The following ACSM4 variants were observed in gnomAD, a reference collection of about 807,000 sequenced individuals.
ACSM4 encodes acyl-coenzyme A synthetase ACSM4, mitochondrial.
Under a neutral mutation model 73.0 loss-of-function variants are expected in ACSM4, and 66 were observed. The observed-to-expected ratio is 0.90, with a 90% CI of 0.74 to 1.11. The LOEUF is 1.11. ACSM4 is among the 50% of genes least tolerant of loss of function. The pLI, the probability that ACSM4 is intolerant of heterozygous loss-of-function variation, is 0.00. For synonymous variants in ACSM4, 222 were observed against 254.0 expected (o/e 0.87, Z 1.20); for missense variants, 645 against 714.4 (o/e 0.90, Z 1.11).
chr12:7,311,990 T>C (rs1187962938), intron 3 of ACSM4, among the ~76,000 whole-genome samples: 1 of 152,210 alleles, frequency 6.6e-6, no homozygotes, highest in Non-Finnish European at 1.5e-5. Context: ...TATGCTCAGC[T>C]CTGTTTTTGT....
intron 11 of ACSM4, among the ~76,000 whole-genome samples, chr12:7,326,452 C>T (rs1466839050): frequency 6.6e-6 from 1 of 152,180 alleles, no homozygotes; most frequent in African/African-American, 2.4e-5. Flanking sequence ...TGAAGTTATC[C>T]TTCTACCTTG....
rs201795322 is a variant in ACSM4, at chr12:7,323,439, A to G, written c.1207-20A>G. ...GTGAAAAGAAAATTTTAAGACCATC[A>G]ATTATTTCTTTCATTCCAGATTATA... On this transcript the variant is annotated intron_variant, in intron 8 of 12. Transcript: ENST00000399422. 9 of 1,611,764 alleles carry G rather than the reference A, an allele frequency of 5.6e-6. No homozygotes were observed. Among genetic ancestry groups the G allele is most frequent in the Admixed American group, 1.7e-5 (1 of 59,976 alleles).
Position 7,324,562 on chromosome 12 carries a change from G to A in ACSM4, c.1500G>A (p.Ser500=), listed in dbSNP as rs576957989. The change falls in exon 11 of 13, where the codon TCG becomes TCA. Residue 500 remains serine, a synonymous_variant. Transcript: ENST00000399422. ...ALIEHPAVVE[S]AVVSSPDQIR... ...TTGAGCATCCAGCAGTTGTTGAATC[G>A]GCTGTTGTCAGTAGTCCAGATCAAA... 9.9e-6 allele frequency: 16 copies of A among 1,613,906 alleles called. No individual in the cohort carries two copies. The highest frequency in any genetic ancestry group is 1.6e-4 in the Middle Eastern group (1 of 6,062).
chr12:7,316,550 A>G (rs747389484), intron 3 of ACSM4, among the ~76,000 whole-genome samples: 3 of 152,206 alleles, frequency 2.0e-5, no homozygotes, highest in African/African-American at 4.8e-5. Flanking sequence ...CCCAGCAGCT[A>G]TACAGGGACA....
intron 3 of ACSM4, among the ~76,000 whole-genome samples, chr12:7,316,311 CCAAGATGGCCA>C: frequency 6.6e-6 from 1 of 152,278 alleles, no homozygotes; most frequent in East Asian, 1.9e-4. Context: ...CAGTATACAT[CCAAGATGGCCA>C]GGGTAGCCCC....
At chr12:7,328,111 C>T (rs1269347111) in intron 12 of ACSM4, among the ~76,000 whole-genome samples, 176 bp from the exon 13 acceptor site, 2 of 152,172 alleles carry the variant, frequency 1.3e-5, no homozygotes, top group African/African-American at 4.8e-5. Flanking sequence ...TGGAGCTACA[C>T]TATCACCCTT....
At chr12:7,318,965 G>C (rs1282189434) in intron 5 of ACSM4, among the ~76,000 whole-genome samples, 1 of 152,144 alleles carries the variant, frequency 6.6e-6, no homozygotes, top group Admixed American at 6.5e-5. Context: ...ATGGACTAGG[G>C]GGAGCGGGGA....
intron 10 of ACSM4, 29 bp from the exon 11 acceptor site, chr12:7,324,470 G>C: frequency 7.4e-6 from 12 of 1,613,900 alleles, no homozygotes; most frequent in Non-Finnish European, 1.0e-5. Context: ...TGGAGGATGT[G>C]GTGGTCAAAA....
At chr12:7,326,660 C>T (rs1946508400) in intron 11 of ACSM4, among the ~76,000 whole-genome samples, 1 of 152,152 alleles carries the variant, frequency 6.6e-6, no homozygotes, top group Non-Finnish European at 1.5e-5. Context: ...AGTGGTCATC[C>T]ATAAACCAAG....
At position 7,304,576 on chromosome 12, in the gene ACSM4, T is replaced by G. The variant is rs1483819892; in HGVS notation, c.201+44T>G. ...CCAGTAGATGCTTGGTGTCCCCTTATCTCTCAGTCTTCCATTTCCTTGTTC... is the reference window on the plus strand; with the variant it reads ...CCAGTAGATGCTTGGTGTCCCCTTAGCTCTCAGTCTTCCATTTCCTTGTTC... On this transcript the variant is annotated intron_variant, in intron 1 of 12. Coordinates refer to ENST00000399422, the MANE Select transcript of ACSM4 (RefSeq NM_001080454.2). The G allele has an allele frequency of 7.7e-6, 12 of 1,560,150 alleles. No homozygotes were observed. The East Asian group carries it at 2.7e-4, about 35-fold the overall frequency.
At chr12:7,315,141 A>G (rs541566639) in intron 3 of ACSM4, among the ~76,000 whole-genome samples, 48 of 151,098 alleles carry the variant, frequency 3.2e-4, no homozygotes, top group Admixed American at 5.3e-4. Flanking sequence ...GGTTGCAGTG[A>G]GCCGAGATTA....
At chr12:7,320,671 G>C (rs1450892451) in intron 5 of ACSM4, 54 bp from the exon 6 acceptor site, 7 of 1,463,236 alleles carry the variant, frequency 4.8e-6, no homozygotes, top group Non-Finnish European at 6.7e-6. Context: ...ATCAGCTCTA[G>C]TCATGGCCTT....
rs371738171 is a variant in ACSM4, at chr12:7,324,503, C to G, written c.1441C>G (p.Arg481Gly). The G allele has an allele frequency of 3.1e-6, 5 of 1,613,840 alleles. No homozygotes were observed. The highest frequency in any genetic ancestry group is 4.2e-6 in the Non-Finnish European group (5 of 1,179,858). Reference sequence around the variant, plus strand: ...AAAACTTCTTTTCCTCTTCAGGTACCGTATTGGGCCATTTGAAGTGGAGAG... The same window carrying G: ...AAAACTTCTTTTCCTCTTCAGGTACGGTATTGGGCCATTTGAAGTGGAGAG... ...ADDVIISSGY[R>G]IGPFEVESAL... Residue 481 changes from arginine to glycine, a missense_variant, in exon 11 of 13, where the codon CGT (arginine) becomes GGT (glycine). Physicochemically the swap from Arg to Gly is moderately radical, Grantham distance 125. Coordinates refer to ENST00000399422, the MANE Select transcript of ACSM4 (RefSeq NM_001080454.2).
rs1433288599 is a variant in ACSM4, at chr12:7,328,453, C to T, written c.*80C>T. ...TTGTTCCGATAATTCAGCGACTACTCTCTTAAAATGTTTAAGATCTTTCCT... is the reference window on the plus strand; with the variant it reads ...TTGTTCCGATAATTCAGCGACTACTTTCTTAAAATGTTTAAGATCTTTCCT... On this transcript the variant is annotated 3_prime_UTR_variant, in exon 13 of 13. Coordinates refer to ENST00000399422, the MANE Select transcript of ACSM4 (RefSeq NM_001080454.2). The T allele has an allele frequency of 4.5e-6, 5 of 1,105,766 alleles. No individual in the cohort carries two copies. Among genetic ancestry groups the T allele is most frequent in the Non-Finnish European group, 6.2e-6 (5 of 807,604 alleles). 68.5% of individuals were successfully genotyped at this position (1,105,766 alleles called of 1,614,324 possible).
Position 7,328,353 on chromosome 12 carries a change from CAAG to C in ACSM4, c.1726_1728del (p.Glu576del), listed in dbSNP as rs1439126490. The C allele has an allele frequency of 6.3e-7, 1 of 1,591,640 alleles. No homozygotes were observed. Among genetic ancestry groups the C allele is most frequent in the South Asian group, 1.1e-5 (1 of 86,994 alleles). On this transcript the variant is annotated inframe_deletion, in exon 13 of 13. Coordinates refer to ENST00000399422, the MANE Select transcript of ACSM4 (RefSeq NM_001080454.2). ...AATCAAACGCAACGTTTTAAGAGAC[CAAG>C]AATGGAGAGGAAGATAGTTTGATAA...
chr12:7,312,468 G>T (rs547784130), intron 3 of ACSM4, among the ~76,000 whole-genome samples: 92 of 152,248 alleles, frequency 6.0e-4, no homozygotes, highest in South Asian at 1.5e-3. Context: ...TTCTTCCAGA[G>T]AAGTTTATAG....
At chr12:7,305,319 T>C (rs1383770245) in intron 1 of ACSM4, among the ~76,000 whole-genome samples, 4 of 152,234 alleles carry the variant, frequency 2.6e-5, no homozygotes, top group South Asian at 2.1e-4. Flanking sequence ...GTGGTAATAA[T>C]TGTCCAATAA....
intron 3 of ACSM4, among the ~76,000 whole-genome samples, chr12:7,311,415 G>A (rs1213265751): frequency 1.3e-4 from 20 of 151,944 alleles, no homozygotes; most frequent in Non-Finnish European, 8.8e-5. Context: ...TGCCTGGAGT[G>A]CTCTTCTTAT....
At chr12:7,307,206 A>G (rs1207393640) in intron 2 of ACSM4, among the ~76,000 whole-genome samples, 1 of 152,194 alleles carries the variant, frequency 6.6e-6, no homozygotes, top group African/African-American at 2.4e-5. Context: ...GTGAGCTGAG[A>G]TCTTGCCATT....
Sources: allele counts gnomAD v4.1 joint callset (sites outside exome capture counted in the v4.1 genomes callset), GRCh38; gene constraint gnomAD v4.1.1; transcripts MANE v1.5; gene names NCBI Gene and HGNC (gene_info 2026-07-23, HGNC 2026-07-21).